COL16A1: variants seen among roughly 807,000 people sequenced by gnomAD.
The protein encoded by COL16A1 is collagen type XVI alpha 1 chain.
A neutral mutation model predicts 266.3 loss-of-function variants in COL16A1; 189 were observed. That is an observed-to-expected ratio of 0.71 (90% CI 0.63 to 0.80). The LOEUF is 0.80. COL16A1 is among the 30% of genes least tolerant of loss of function. The pLI is 0.00. For missense variants in COL16A1, 1,928 were observed against 2,122.4 expected, an observed-to-expected ratio of 0.91 and a Z score of 1.80; for synonymous variants, 740 against 782.3, an observed-to-expected ratio of 0.95 and a Z score of 0.90.
At chr1:31,661,156 T>C (rs1363922802) in intron 60 of COL16A1, 37 bp from the exon 61 acceptor site, 1 of 1,552,766 alleles carries the variant, frequency 6.4e-7, no homozygotes. Flanking sequence ...TTACCAGACC[T>C]TCACTTGACA....
intron 62 of COL16A1, 129 bp from the exon 63 acceptor site, chr1:31,659,093 C>T: frequency 1.1e-6 from 1 of 872,340 alleles, no homozygotes; most frequent in Non-Finnish European, 1.8e-6. Context: ...CCTTCCTTCG[C>T]TCTGGTCTTG....
rs184582359 is a variant in COL16A1 at position 31,655,461 on chromosome 1, C to T, written c.4143G>A (p.Glu1381=). The T allele has an allele frequency of 5.6e-6, 9 of 1,614,188 alleles. No homozygotes were observed. The highest frequency in any genetic ancestry group is 3.3e-5 in the South Asian group (3 of 91,086). Residue 1381 remains glutamate (E), a synonymous_variant, in exon 67 of 71, where the codon GAG becomes GAA. Coordinates refer to ENST00000373672, the MANE Select transcript of COL16A1 (RefSeq NM_001856.4). ...GAAGQKGQAG[E]KGRAGMPGGP... is the part of the protein sequence containing the mutation. Reference sequence around the variant, plus strand: ...CACCAGGCATGCCGGCTCTCCCCTTCTCTCCTGCCTGGCCCTTCTGTCCTG... The same window carrying T: ...CACCAGGCATGCCGGCTCTCCCCTTTTCTCCTGCCTGGCCCTTCTGTCCTG...
rs1220854773 is a variant in COL16A1 at position 31,698,318 on chromosome 1, A to C, written c.391-146T>G. The C allele has an allele frequency of 2.0e-6, 3 of 1,532,862 alleles. No homozygotes were observed. Among genetic ancestry groups the C allele is most frequent in the Non-Finnish European group, 2.6e-6 (3 of 1,140,284 alleles). The allele number at this position is 1,532,862 out of a possible 1,614,324, so 95.0% of individuals were successfully genotyped here. ...AAGCCGGCTGGGGTCAAGGAGCTAT[A>C]CATCCTGAAAGAATGAGGTAGGTAC... On this transcript the variant is annotated intron_variant, in intron 5 of 70. Transcript: ENST00000373672. The surrounding 1 kb of genome is among the most constrained non-coding windows in gnomAD (Gnocchi z 4.1).
Position 31,697,841 on chromosome 1 carries a change from T to G in COL16A1, c.657+65A>C, listed in dbSNP as rs1644564711. ...GAGAAGGACTTGTTCCGATACGGAT[T>G]CCAGGAAGCCCACTCAGGTTCCCAG... On this transcript the variant is annotated intron_variant, in intron 6 of 70. Coordinates refer to ENST00000373672, the MANE Select transcript of COL16A1 (RefSeq NM_001856.4). This position sits in a 1 kb window ranked among gnomAD's most constrained non-coding sequence, Gnocchi z 4.2. The G allele has an allele frequency of 1.3e-6, 2 of 1,518,378 alleles. No homozygotes were observed. The allele number at this position is 1,518,378 out of a possible 1,614,324, so 94.1% of individuals were successfully genotyped here. A position where few individuals can be genotyped will look rare whatever the true frequency, so the allele number is the denominator to read the frequency against.
rs751977663 is a variant in COL16A1 at position 31,675,341 on chromosome 1, G to A, written c.2773-30C>T. 3 of 1,610,634 alleles carry A rather than the reference G, an allele frequency of 1.9e-6. No individual in the cohort carries two copies. The African/African-American group carries it at 4.0e-5, about 22-fold the overall frequency. On this transcript the variant is annotated intron_variant, in intron 42 of 70. Coordinates refer to ENST00000373672, the MANE Select transcript of COL16A1 (RefSeq NM_001856.4). ...AGCCAAGAAGAGACACGAGTGAGTGGGCTCCATCTCTCTAGCCTGCTGGTC... is the reference window on the plus strand; with the variant it reads ...AGCCAAGAAGAGACACGAGTGAGTGAGCTCCATCTCTCTAGCCTGCTGGTC...
chr1:31,654,660 C>A, intron 68 of COL16A1, 132 bp downstream of exon 68: 1 of 1,538,018 alleles, frequency 6.5e-7, no homozygotes, highest in South Asian at 1.2e-5. Context: ...CTGTCAACCC[C>A]AGGCCTGTGA....
chr1:31,700,079 T>A lies in COL16A1; in HGVS notation c.110A>T (p.Lys37Ile), dbSNP rs781434970. ...QCPPSQQEGL[K>I]LEHSSSLPAN... ...TGGCAGGCTACTACTGTGTTCCAAT[T>A]TGAGTCCTTCCTGCTGTGAAGGTGG... The change falls in exon 3 of 71, where the codon AAA (lysine) becomes ATA (isoleucine). Residue 37 changes from lysine (K) to isoleucine (I), a missense_variant. This residue lies in a region of COL16A1 where 1,552 missense variants were observed against 1,637.2 expected (regional missense o/e 0.95). Coordinates refer to ENST00000373672, the MANE Select transcript of COL16A1 (RefSeq NM_001856.4). 8.1e-6 allele frequency: 13 copies of A among 1,614,118 alleles called. No homozygotes were observed. Among genetic ancestry groups the A allele is most frequent in the African/African-American group, 2.7e-5 (2 of 74,996 alleles).
rs75518608 is a variant in COL16A1, at chr1:31,679,330, C to G, written c.2772+302G>C. On this transcript the variant is annotated intron_variant, in intron 42 of 70. Transcript: ENST00000373672. ...TTGCATGAATGAGTGTTGAATGCTA[C>G]TCCAAAACAGTGGGCCGGGCTCTGT... 8.7e-4 allele frequency: 1,172 copies of G among 1,353,030 alleles called. 7 individuals carry two copies. The African/African-American group carries it at 0.015, about 18-fold the overall frequency. 83.8% of individuals were successfully genotyped at this position (1,353,030 alleles called of 1,614,324 possible).
At chr1:31,653,788 T>G in intron 69 of COL16A1, 79 bp downstream of exon 69, 1 of 1,571,804 alleles carries the variant, frequency 6.4e-7, no homozygotes, top group Non-Finnish European at 8.7e-7. Context: ...CATCCCATAT[T>G]CACAACAGAC....
At chr1:31,655,177 A>G in intron 67 of COL16A1, 137 bp downstream of exon 67, 1 of 1,393,062 alleles carries the variant, frequency 7.2e-7, no homozygotes, top group Non-Finnish European at 9.6e-7. Context: ...CCTTCCGCAC[A>G]CAGTTAAGAG....
In COL16A1 at chr1:31,668,171, TCCTGGGGGG is replaced by T. The variant is rs1287940092; in HGVS notation, c.3288_3296del (p.Pro1097_Gly1099del). ...CAAGGGTCCCCTTACTCACAGGCAG[TCCTGGGGGG>T]CCCGTGGCACCTGGGTAACCTGGTT... On this transcript the variant is annotated inframe_deletion, in exon 51 of 71. Transcript: ENST00000373672. This position sits in a 1 kb window ranked among gnomAD's most constrained non-coding sequence, Gnocchi z 5.8. The T allele has an allele frequency of 6.2e-7, 1 of 1,612,678 alleles. No homozygotes were observed. The highest frequency in any genetic ancestry group is 8.5e-7 in the Non-Finnish European group (1 of 1,179,336).
At position 31,683,241 on chromosome 1, in the gene COL16A1, G is replaced by A. The variant is rs1201053950; in HGVS notation, c.2422C>T (p.Pro808Ser). 1 of 1,614,200 alleles carries A rather than the reference G, an allele frequency of 6.2e-7. No individual in the cohort carries two copies. Among genetic ancestry groups the A allele is most frequent in the South Asian group, 1.1e-5 (1 of 91,076 alleles). ...APGLPGIQGL[P>S]GPRGPPGPTG... ...GGGCCAGGTGGTCCCCGAGGTCCCG[G>A]AAGTCCCTGCAGATGGAAGCACAGT... Residue 808 changes from proline (P) to serine (S), a missense_variant, in exon 36 of 71, where the codon CCG becomes TCG. By Grantham distance (74) the Pro-to-Ser change is moderately conservative. Around this residue, in one of 2 missense-constraint regions of COL16A1, gnomAD observed 1,552 missense variants for 1,637.2 expected, o/e 0.95. Transcript: ENST00000373672.
At position 31,668,071 on chromosome 1, in the gene COL16A1, C is replaced by A; in HGVS notation, c.3303+94G>T. Reference sequence around the variant, plus strand: ...GCTGAAATGCCCGGTAATGGGGAGCCCGCCGAGGGTTGCCCAGCCTGGCTG... The same window carrying A: ...GCTGAAATGCCCGGTAATGGGGAGCACGCCGAGGGTTGCCCAGCCTGGCTG... On this transcript the variant is annotated intron_variant, in intron 51 of 70. Coordinates refer to ENST00000373672, the MANE Select transcript of COL16A1 (RefSeq NM_001856.4). This position sits in a 1 kb window ranked among gnomAD's most constrained non-coding sequence, Gnocchi z 5.8. The A allele has an allele frequency of 8.9e-7, 1 of 1,120,148 alleles. No homozygotes were observed. Among genetic ancestry groups the A allele is most frequent in the South Asian group, 1.4e-5 (1 of 73,350 alleles). 69.4% of individuals were successfully genotyped at this position (1,120,148 alleles called of 1,614,324 possible). A position where few individuals can be genotyped will look rare whatever the true frequency, so the allele number is the denominator to read the frequency against.
At chr1:31,683,458 G>C (rs752891559) in intron 34 of COL16A1, 89 bp from the exon 35 acceptor site, 37 of 1,606,580 alleles carry the variant, frequency 2.3e-5, no homozygotes, top group South Asian at 7.7e-5. Flanking sequence ...TGGTCTGGGT[G>C]GGGTATCTGC....
In COL16A1 at chr1:31,699,102, A is replaced by AAGCC. The variant is rs1553173475; in HGVS notation, c.267-497_267-496insGGCT. On this transcript the variant is annotated intron_variant, in intron 4 of 70. Coordinates refer to ENST00000373672, the MANE Select transcript of COL16A1 (RefSeq NM_001856.4). ...AGAGCAAGACTTGGTCTCAAAAAGAAAACCAACCAACCAACCAAACAAACA... is the reference window on the plus strand; with the variant it reads ...AGAGCAAGACTTGGTCTCAAAAAGAAAGCCAACCAACCAACCAACCAAACAAACA... Among the ~76,000 whole-genome samples, 17 of 148,154 alleles carry AAGCC rather than the reference A, an allele frequency of 1.1e-4. No individual in the cohort carries two copies. In the Admixed American group the frequency reaches 1.2e-3, roughly 10 times the overall value.
intron 40 of COL16A1, 81 bp downstream of exon 40, chr1:31,679,961 G>A: frequency 2.5e-6 from 4 of 1,588,348 alleles, no homozygotes; most frequent in South Asian, 2.3e-5. Context: ...GCCCTGCGGG[G>A]CCTTTGCACA....
chr1:31,695,262 C>T, intron 10 of COL16A1, 41 bp from the exon 11 acceptor site: 1 of 1,609,910 alleles, frequency 6.2e-7, no homozygotes, highest in East Asian at 2.2e-5. Flanking sequence ...TTCTGAGCCC[C>T]TGGGGTGAGC....
chr1:31,654,169 G>A, intron 68 of COL16A1, 126 bp from the exon 69 acceptor site: 1 of 1,399,376 alleles, frequency 7.1e-7, no homozygotes, highest in Non-Finnish European at 9.6e-7. Context: ...GGGATGTCAG[G>A]GCAAGGAGTA....
intron 37 of COL16A1, among the ~76,000 whole-genome samples, chr1:31,682,241 T>C (rs1348211909): frequency 2.0e-5 from 3 of 152,220 alleles, no homozygotes; most frequent in African/African-American, 7.2e-5. Context: ...TCCGTGCAAT[T>C]TGTTCAATAG....
Sources: gnomAD v4.1 joint callset for allele counts (sites outside exome capture counted in the v4.1 genomes callset) on GRCh38, gnomAD v4.1.1 for gene constraint, gnomAD v4.1.1 regional missense constraint, Gnocchi (gnomAD v3.1) non-coding constraint, MANE v1.5 for transcripts, NCBI Gene and HGNC (gene_info 2026-07-23, HGNC 2026-07-21) for gene names.